The following GLG1 variants were observed in gnomAD, a reference collection of about 807,000 sequenced individuals.
GLG1 encodes Golgi apparatus protein 1.
Under a neutral mutation model 160.5 loss-of-function variants are expected in GLG1, and 38 were observed. The observed-to-expected ratio is 0.24, with a 90% CI of 0.18 to 0.31. GLG1 has a LOEUF of 0.31. GLG1 is among the 10% of genes least tolerant of loss of function. GLG1 has a pLI of 1.00. For synonymous variants in GLG1, 644 were observed against 543.4 expected (o/e 1.19, Z -2.57); for missense variants, 1,373 against 1,505.2 (o/e 0.91, Z 1.45).
At chr16:74,506,602 A>AAAAAAAAAAC (rs1567489906) in intron 3 of GLG1, among the ~76,000 whole-genome samples, 1 of 149,270 alleles carries the variant, frequency 6.7e-6, no homozygotes, top group African/African-American at 2.5e-5. Flanking sequence ...AAAAAAAAAA[A>AAAAAAAAAAC]AACTCAAGAG....
rs1450607684 is a variant in GLG1, at chr16:74,462,603, T to C, written c.2819A>G (p.Lys940Arg). 6.2e-7 allele frequency: 1 copy of C among 1,614,124 alleles called. No homozygotes were observed. Among genetic ancestry groups the C allele is most frequent in the Non-Finnish European group, 8.5e-7 (1 of 1,179,952 alleles). The change falls in exon 21 of 26, where the codon AAA becomes AGA. Residue 940 changes from lysine to arginine, a missense_variant. By Grantham distance (26) the Lys-to-Arg change is conservative. This residue lies in a region of GLG1 where 491 missense variants were observed against 632.1 expected (regional missense o/e 0.78). Transcript: ENST00000422840. ...TTTAGGAATGTCAGCTTTACAGGCT[T>C]TTCTTAACATGGGGTTTAAGCGGTA... ...TDYRLNPMLR[K>R]ACKADIPKFC... is the part of the protein sequence containing the mutation.
chr16:74,494,403 CTTTTTTTTT>C (rs3973383), intron 6 of GLG1, among the ~76,000 whole-genome samples: 1 of 70,130 alleles, frequency 1.4e-5, no homozygotes, highest in African/African-American at 6.0e-5. Context: ...ATTGAGAAAG[CTTTTTTTTT>C]TTTTTTTTTT....
intron 8 of GLG1, among the ~76,000 whole-genome samples, chr16:74,490,086 T>C (rs1263953143): frequency 6.6e-6 from 1 of 152,206 alleles, no homozygotes; most frequent in East Asian, 1.9e-4. Context: ...AGCGAAACTA[T>C]CTCTTGTGCT....
At position 74,580,517 on chromosome 16, in the gene GLG1, T is replaced by A. The variant is rs546550565; in HGVS notation, c.438+26140A>T. On this transcript the variant is annotated intron_variant, in intron 1 of 25. Coordinates refer to ENST00000422840, the MANE Select transcript of GLG1 (RefSeq NM_001145667.2). ...CTATTTCAAAAAGAAAAATTTTTTTTAAATTAACTCAAAATGGATCAAAGG... is the reference window on the plus strand; with the variant it reads ...CTATTTCAAAAAGAAAAATTTTTTTAAAATTAACTCAAAATGGATCAAAGG... Among the ~76,000 whole-genome samples the A allele has an allele frequency of 7.9e-5, 12 of 152,144 alleles. No individual in the cohort carries two copies. In the East Asian group the frequency reaches 1.4e-3, roughly 17 times the overall value.
At chr16:74,502,154 C>T (rs1241944606) in intron 4 of GLG1, among the ~76,000 whole-genome samples, 1 of 152,188 alleles carries the variant, frequency 6.6e-6, no homozygotes, top group African/African-American at 2.4e-5. Flanking sequence ...CATCATATTT[C>T]CTGAACAGTA....
rs1388147763 is a variant in GLG1, at chr16:74,474,698, ATCAGCG to A, written c.1966-72_1966-67del. 5.6e-5 allele frequency: 45 copies of A among 807,408 alleles called. 1 individual carries two copies. The highest frequency in any genetic ancestry group is 4.4e-4 in the Admixed American group (26 of 58,696). 50.0% of individuals were successfully genotyped at this position (807,408 alleles called of 1,614,324 possible). A position where few individuals can be genotyped will look rare whatever the true frequency, so the allele number is the denominator to read the frequency against. ...ATACATGAACAAGGCAAGGGGAGAT[ATCAGCG>A]TCATGACACTTCCCTTTTCAGTGGT... On this transcript the variant is annotated intron_variant, in intron 12 of 25. Coordinates refer to ENST00000422840, the MANE Select transcript of GLG1 (RefSeq NM_001145667.2).
At chr16:74,600,138 T>A (rs1295445675) in intron 1 of GLG1, among the ~76,000 whole-genome samples, 1 of 152,244 alleles carries the variant, frequency 6.6e-6, no homozygotes, top group Non-Finnish European at 1.5e-5. Flanking sequence ...TTTCAGGTGG[T>A]ATGTGTTGGT....
chr16:74,499,694 A>G (rs764891650), intron 4 of GLG1, among the ~76,000 whole-genome samples: 2 of 152,140 alleles, frequency 1.3e-5, no homozygotes, highest in African/African-American at 2.4e-5. Flanking sequence ...ATGTAACTAC[A>G]CTGGCATTAG....
intron 5 of GLG1, 79 bp from the exon 6 acceptor site, chr16:74,494,910 C>T (rs2016131249): frequency 2.7e-6 from 2 of 739,156 alleles, no homozygotes; most frequent in Non-Finnish European, 4.9e-6. Flanking sequence ...TCATATAGAG[C>T]TTTCTATTAA....
intron 1 of GLG1, among the ~76,000 whole-genome samples, chr16:74,559,228 T>C (rs1341957951): frequency 6.6e-6 from 1 of 152,048 alleles, no homozygotes; most frequent in Non-Finnish European, 1.5e-5. Context: ...TTCATATGAC[T>C]TTTACTATCA....
chr16:74,472,224 G>T, intron 14 of GLG1, 125 bp downstream of exon 14: 2 of 701,580 alleles, frequency 2.9e-6, no homozygotes, highest in Non-Finnish European at 5.0e-6. Context: ...ATTTTAACTT[G>T]TCAAAGCTGG....
intron 10 of GLG1, among the ~76,000 whole-genome samples, chr16:74,482,068 G>A (rs956266164): frequency 2.0e-5 from 3 of 152,082 alleles, no homozygotes; most frequent in Non-Finnish European, 2.9e-5. Context: ...GATTACAGGC[G>A]TGAGCCACCG....
chr16:74,502,398 T>C (rs1302387854), intron 4 of GLG1, among the ~76,000 whole-genome samples: 1 of 152,230 alleles, frequency 6.6e-6, no homozygotes, highest in Non-Finnish European at 1.5e-5. Flanking sequence ...TTCCTGTCTT[T>C]ACTAAAATCA....
At chr16:74,599,727 G>A (rs1246097811) in intron 1 of GLG1, among the ~76,000 whole-genome samples, 1 of 152,152 alleles carries the variant, frequency 6.6e-6, no homozygotes, top group African/African-American at 2.4e-5. Flanking sequence ...AGCCGGGCAT[G>A]GTGGTGGGCG....
intron 1 of GLG1, among the ~76,000 whole-genome samples, chr16:74,602,674 T>C (rs1174851446): frequency 1.3e-5 from 2 of 151,988 alleles, no homozygotes; most frequent in Non-Finnish European, 2.9e-5. Context: ...TCCCAGCTAC[T>C]TGGGAGGCTG....
intron 1 of GLG1, among the ~76,000 whole-genome samples, chr16:74,579,914 T>G (rs1193382507): frequency 6.6e-6 from 1 of 150,754 alleles, no homozygotes; most frequent in Non-Finnish European, 1.5e-5. Context: ...AATACAAAAA[T>G]TAGCTGGGCG....
intron 1 of GLG1, among the ~76,000 whole-genome samples, chr16:74,588,713 T>A (rs900711701): frequency 2.0e-5 from 3 of 152,070 alleles, no homozygotes; most frequent in Non-Finnish European, 4.4e-5. Flanking sequence ...GCCACCACAC[T>A]TGGCCTGTTC....
chr16:74,515,591 T>A (rs1210737482), intron 2 of GLG1, among the ~76,000 whole-genome samples: 1 of 150,332 alleles, frequency 6.7e-6, no homozygotes, highest in African/African-American at 2.5e-5. Context: ...TTAGGAGATA[T>A]ACCTAATGTT....
chr16:74,586,011 C>T lies in GLG1; in HGVS notation c.438+20646G>A, dbSNP rs141203962. 1.1e-3 allele frequency among the ~76,000 whole-genome samples: 166 copies of T among 147,050 alleles called. 1 individual carries two copies. The highest frequency in any genetic ancestry group is 1.7e-3 in the Non-Finnish European group (115 of 66,948). ...TCGGGAGGCAAAGGCTGTAGTGAGC[C>T]GAGATCACACCACTGCACTCTAGCC... On this transcript the variant is annotated intron_variant, in intron 1 of 25. Transcript: ENST00000422840.
Sources: gnomAD v4.1 joint callset for allele counts (sites outside exome capture counted in the v4.1 genomes callset) on GRCh38, gnomAD v4.1.1 for gene constraint, gnomAD v4.1.1 regional missense constraint, MANE v1.5 for transcripts, NCBI Gene and HGNC (gene_info 2026-07-23, HGNC 2026-07-21) for gene names.